SUMF1: variants seen among roughly 807,000 people sequenced by gnomAD.
The protein encoded by SUMF1 is formylglycine-generating enzyme.
A neutral mutation model predicts 47.6 loss-of-function variants in SUMF1; 48 were observed. The ratio of observed to expected loss-of-function variants is 1.01; its 90% confidence interval spans 0.80 to 1.28. The LOEUF (loss-of-function observed/expected upper bound fraction) is 1.28. Ranked by LOEUF, SUMF1 falls within the 50% of genes most tolerant of loss-of-function variation. The pLI is 0.00. For synonymous variants in SUMF1, 230 were observed against 192.1 expected (o/e 1.20, Z -1.63); for missense variants, 571 against 485.4 (o/e 1.18, Z -1.66).
At chr3:4,311,997 A>C (rs1414259067) in intron 8 of SUMF1, among the ~76,000 whole-genome samples, 2 of 152,236 alleles carry the variant, frequency 1.3e-5, no homozygotes, top group African/African-American at 2.4e-5. Context: ...TCTTCTTTTT[A>C]TATAACATTT....
intron 3 of SUMF1, among the ~76,000 whole-genome samples, chr3:4,438,554 C>G (rs1350132247): frequency 6.6e-6 from 1 of 152,172 alleles, no homozygotes; most frequent in Non-Finnish European, 1.5e-5. Flanking sequence ...TGAGCCAGAA[C>G]CCCTACTTAC....
chr3:4,170,710 GA>G (rs751804838), intron 8 of SUMF1, among the ~76,000 whole-genome samples: 1 of 152,064 alleles, frequency 6.6e-6, no homozygotes, highest in Non-Finnish European at 1.5e-5. Flanking sequence ...TTGACAAGGT[GA>G]AAAGATAATT....
At chr3:4,322,991 A>G (rs1340212021) in intron 8 of SUMF1, among the ~76,000 whole-genome samples, 1 of 152,196 alleles carries the variant, frequency 6.6e-6, no homozygotes, top group Non-Finnish European at 1.5e-5. Flanking sequence ...CCAAATATTC[A>G]TTAGCCGATG....
At chr3:4,139,208 G>T (rs1206275671) in intron 8 of SUMF1, among the ~76,000 whole-genome samples, 1 of 151,902 alleles carries the variant, frequency 6.6e-6, no homozygotes, top group Non-Finnish European at 1.5e-5. Flanking sequence ...ATCCAGTTCA[G>T]CAAAGAAGTT....
At chr3:4,357,934 G>T (rs2125166965), downstream of SUMF1, among the ~76,000 whole-genome samples, 1 of 152,100 alleles carries the variant, frequency 6.6e-6, no homozygotes, top group Non-Finnish European at 1.5e-5. Flanking sequence ...AAAATAAATG[G>T]TAGCTTCCAT....
chr3:4,211,592 C>G (rs1466232422), intron 8 of SUMF1, among the ~76,000 whole-genome samples: 1 of 152,036 alleles, frequency 6.6e-6, no homozygotes, highest in African/African-American at 2.4e-5. Context: ...AAACTCCAAT[C>G]ATTTAAAAAA....
In SUMF1 at chr3:4,250,097, C is replaced by A. The variant is rs529059027; in HGVS notation, c.1014+126233G>T. On this transcript the variant is annotated intron_variant and NMD_transcript_variant, in intron 8 of 12. Transcript: ENST00000448413. ...TACTCAGGACATGAGGCACAAGAAT[C>A]GCTTGAACACAGGAGGCAGAGGTTA... Among the ~76,000 whole-genome samples, 4 of 151,946 alleles carry A rather than the reference C, an allele frequency of 2.6e-5. No individual in the cohort carries two copies. The East Asian group carries it at 5.9e-4, about 22-fold the overall frequency.
At chr3:4,330,748 C>CA (rs201516185) in intron 8 of SUMF1, among the ~76,000 whole-genome samples, 3,083 of 152,256 alleles carry the variant, frequency 0.02, 48 homozygotes, top group South Asian at 0.036. Context: ...TAGTATTTCA[C>CA]AAAAATCTTT....
At chr3:4,369,184 T>G (rs957496281) in intron 8 of SUMF1, among the ~76,000 whole-genome samples, 1 of 152,204 alleles carries the variant, frequency 6.6e-6, no homozygotes, top group Non-Finnish European at 1.5e-5. Flanking sequence ...TGCTTTGTCT[T>G]CTATAGATAG....
intron 8 of SUMF1, among the ~76,000 whole-genome samples, chr3:4,174,687 A>T (rs920093975): frequency 2.6e-5 from 4 of 152,124 alleles, no homozygotes; most frequent in Non-Finnish European, 4.4e-5. Flanking sequence ...GACTGGTTGG[A>T]CAGTGGGTGC....
In SUMF1 at chr3:4,289,250, G is replaced by C. The variant is rs181353613; in HGVS notation, c.1014+87080C>G. Among the ~76,000 whole-genome samples the C allele has an allele frequency of 2.2e-3, 329 of 152,338 alleles. 2 individuals carry two copies. Among genetic ancestry groups the C allele is most frequent in the Non-Finnish European group, 3.6e-3 (244 of 68,022 alleles). On this transcript the variant is annotated intron_variant and NMD_transcript_variant, in intron 8 of 12. Transcript: ENST00000448413. ...CCAAGATAGTCCCACTTGGGGAGGAGCAAGAATCCAAGGATCTCCTCCTTC... is the reference window on the plus strand; with the variant it reads ...CCAAGATAGTCCCACTTGGGGAGGACCAAGAATCCAAGGATCTCCTCCTTC...
At chr3:4,189,694 G>T (rs1695274801) in intron 8 of SUMF1, among the ~76,000 whole-genome samples, 1 of 104,112 alleles carries the variant, frequency 9.6e-6, no homozygotes, top group Admixed American at 1.2e-4. Flanking sequence ...AGATTTTGAA[G>T]AACTAAAGGA....
chr3:4,168,987 A>G (rs748801151), intron 8 of SUMF1, among the ~76,000 whole-genome samples: 40 of 152,202 alleles, frequency 2.6e-4, no homozygotes, highest in Non-Finnish European at 8.8e-5. Context: ...TGATAGCTTG[A>G]GTCCCTTCTA....
At chr3:4,202,683 A>G (rs1398717569) in intron 8 of SUMF1, among the ~76,000 whole-genome samples, 1 of 152,022 alleles carries the variant, frequency 6.6e-6, no homozygotes, top group Non-Finnish European at 1.5e-5. Flanking sequence ...TTGAATCTGT[A>G]GATTGCTTTG....
At chr3:4,273,771 CGGGAGGGGAGG>C (rs1697355119) in intron 8 of SUMF1, among the ~76,000 whole-genome samples, 1 of 11,192 alleles carries the variant, frequency 8.9e-5, no homozygotes, top group Non-Finnish European at 1.9e-4. Context: ...GGGGAGGATA[CGGGAGGGGAGG>C]ATACGGGAGG....
chr3:4,129,170 G>T (rs371229034), intron 8 of SUMF1, among the ~76,000 whole-genome samples: 1 of 152,092 alleles, frequency 6.6e-6, no homozygotes, highest in Non-Finnish European at 1.5e-5. Context: ...TTCTCTGCAT[G>T]TCATATCTAA....
chr3:4,098,684 A>G (rs1028233354), intron 8 of SUMF1, among the ~76,000 whole-genome samples: 1 of 152,146 alleles, frequency 6.6e-6, no homozygotes, highest in African/African-American at 2.4e-5. Flanking sequence ...CTAGCTAAAC[A>G]TTGGTATAGG....
intron 8 of SUMF1, among the ~76,000 whole-genome samples, chr3:4,263,545 C>T (rs957361315): frequency 5.3e-5 from 8 of 152,148 alleles, no homozygotes; most frequent in African/African-American, 1.9e-4. Flanking sequence ...GAATGCCACA[C>T]TCATCAACAC....
intron 8 of SUMF1, among the ~76,000 whole-genome samples, chr3:4,157,965 G>T (rs1488816249): frequency 6.6e-6 from 1 of 151,310 alleles, no homozygotes; most frequent in Non-Finnish European, 1.5e-5. Flanking sequence ...CCCAATATCT[G>T]GTATGAGGAA....
Sources: gnomAD v4.1 joint callset for allele counts (sites outside exome capture counted in the v4.1 genomes callset) on GRCh38, gnomAD v4.1.1 for gene constraint, MANE v1.5 for transcripts, NCBI Gene and HGNC (gene_info 2026-07-23, HGNC 2026-07-21) for gene names.